The following COL27A1 variants were observed in gnomAD, a reference collection of about 807,000 sequenced individuals.
COL27A1 encodes the protein collagen type XXVII alpha 1 chain, also known as collagen alpha-1(XXVII) chain.
A neutral mutation model predicts 251.3 loss-of-function variants in COL27A1; 106 were observed. That is an observed-to-expected ratio of 0.42 (90% CI 0.36 to 0.50). The LOEUF (loss-of-function observed/expected upper bound fraction) is 0.50, where lower values mean the gene tolerates loss of function less well. COL27A1 is among the 20% of genes least tolerant of loss of function. The pLI, the probability that COL27A1 is intolerant of heterozygous loss-of-function variation, is 0.00. For missense variants in COL27A1, 2,325 were observed against 2,522.8 expected, an observed-to-expected ratio of 0.92 and a Z score of 1.68; for synonymous variants, 1,000 against 986.3, an observed-to-expected ratio of 1.01 and a Z score of -0.26.
intron 27 of COL27A1, among the ~76,000 whole-genome samples, chr9:114,257,076 A>G (rs1417195943): frequency 1.3e-5 from 2 of 152,160 alleles, no homozygotes; most frequent in African/African-American, 2.4e-5. Flanking sequence ...GCCCCTCCAC[A>G]GCAGCTGTTG....
At chr9:114,239,139 T>C (rs1013320323) in intron 19 of COL27A1, among the ~76,000 whole-genome samples, 1 of 152,188 alleles carries the variant, frequency 6.6e-6, no homozygotes, top group African/African-American at 2.4e-5. Context: ...GCCTGCTTCT[T>C]TCCCTGAGAC....
chr9:114,301,886 A>T (rs1564588211), intron 55 of COL27A1, among the ~76,000 whole-genome samples, 169 bp downstream of exon 55: 1 of 152,126 alleles, frequency 6.6e-6, no homozygotes, highest in Non-Finnish European at 1.5e-5. Flanking sequence ...ACTTTTGCCT[A>T]CGTGGGGTAA....
At chr9:114,268,988 A>C in intron 34 of COL27A1, 1 of 437,720 alleles carries the variant, frequency 2.3e-6, no homozygotes, top group Non-Finnish European at 3.9e-6. Context: ...ACAGTTAGTT[A>C]TTAATAGGAT....
chr9:114,206,791 G>A (rs575913035), intron 10 of COL27A1, among the ~76,000 whole-genome samples: 4 of 152,270 alleles, frequency 2.6e-5, no homozygotes, highest in African/African-American at 7.2e-5. Flanking sequence ...AGCAGACCCC[G>A]AGTAGCGATC....
At chr9:114,262,027 C>T (rs1834376059) in intron 28 of COL27A1, among the ~76,000 whole-genome samples, 1 of 152,222 alleles carries the variant, frequency 6.6e-6, no homozygotes, top group Admixed American at 6.5e-5. Flanking sequence ...AGCCTCCACT[C>T]CCCTCCCAGA....
In COL27A1 at chr9:114,235,613, T is replaced by A. The variant is rs1832329625; in HGVS notation, c.2580T>A (p.Val860=). 2 of 1,613,916 alleles carry A rather than the reference T, an allele frequency of 1.2e-6. No individual in the cohort carries two copies. The highest frequency in any genetic ancestry group is 2.2e-5 in the South Asian group (2 of 91,068). Residue 860 remains valine (V), a synonymous_variant, in exon 17 of 61, where the codon GTT becomes GTA. Coordinates refer to ENST00000356083, the MANE Select transcript of COL27A1 (RefSeq NM_032888.4). Reference sequence around the variant, plus strand: ...TGTGTACTTAGGGTGAACAAGGGGTTCCAGGTGTGTCAGGAGATCCCGGAT... The same window carrying A: ...TGTGTACTTAGGGTGAACAAGGGGTACCAGGTGTGTCAGGAGATCCCGGAT... The part of the protein sequence containing the change: ...GLKGDKGEQG[V]PGVSGDPGFQ...
chr9:114,227,740 C>T (rs921696822), intron 14 of COL27A1, among the ~76,000 whole-genome samples: 1 of 151,828 alleles, frequency 6.6e-6, no homozygotes, highest in Non-Finnish European at 1.5e-5. Flanking sequence ...GCGTGTGGTG[C>T]GGTGTCTGGG....
chr9:114,300,571 G>T, intron 50 of COL27A1, 54 bp from the exon 51 acceptor site: 2 of 1,427,578 alleles, frequency 1.4e-6, no homozygotes, highest in Non-Finnish European at 1.9e-6. Context: ...AGCTGTGGGG[G>T]CCCTTTACCC....
At chr9:114,219,876 G>A (rs762882535) in intron 13 of COL27A1, 32 bp downstream of exon 13, 6 of 1,522,826 alleles carry the variant, frequency 3.9e-6, no homozygotes, top group African/African-American at 2.7e-5. Flanking sequence ...GAACAGGAGC[G>A]AGATTCTGAG....
chr9:114,290,247 C>T lies in COL27A1; in HGVS notation c.4284C>T (p.Pro1428=), dbSNP rs1479251787. Reference sequence around the variant, plus strand: ...AGGGCCTGCAGGGGCTGCCAGGGCCCCGGGGCGTGGTGGGGAGACAGGGCC... The same window carrying T: ...AGGGCCTGCAGGGGCTGCCAGGGCCTCGGGGCGTGGTGGGGAGACAGGGCC... ...GVQGLQGLPG[P]RGVVGRQGLE... The change falls in exon 47 of 61, where the codon CCC becomes CCT. Residue 1428 remains proline (P), a synonymous_variant. Coordinates refer to ENST00000356083, the MANE Select transcript of COL27A1 (RefSeq NM_032888.4). This position sits in a 1 kb window ranked among gnomAD's most constrained non-coding sequence, Gnocchi z 4.6. 1 of 1,572,744 alleles carries T rather than the reference C, an allele frequency of 6.4e-7. No individual in the cohort carries two copies. The highest frequency in any genetic ancestry group is 2.3e-5 in the East Asian group (1 of 43,426).
At chr9:114,217,846 G>A (rs1258175049) in intron 12 of COL27A1, 3 of 470,030 alleles carry the variant, frequency 6.4e-6, no homozygotes, top group Non-Finnish European at 1.3e-5. Flanking sequence ...GGACGCCATG[G>A]CTCACACCTG....
chr9:114,235,694 G>A (rs775159952), intron 17 of COL27A1, 42 bp downstream of exon 17: 1 of 1,495,976 alleles, frequency 6.7e-7, no homozygotes, highest in Admixed American at 1.7e-5. Context: ...CCCTGCCCCT[G>A]CCCTGCTGTT....
chr9:114,164,250 T>C (rs555705395), intron 2 of COL27A1, among the ~76,000 whole-genome samples: 1 of 152,362 alleles, frequency 6.6e-6, no homozygotes, highest in East Asian at 1.9e-4. Context: ...AAGTATTTGG[T>C]ATCTAGTAAG....
At chr9:114,269,076 G>T (rs775254146) in intron 34 of COL27A1, 165 bp from the exon 35 acceptor site, 4 of 557,864 alleles carry the variant, frequency 7.2e-6, no homozygotes, top group Non-Finnish European at 1.3e-5. Context: ...TGGAACAGGA[G>T]CTCTGGTTGG....
chr9:114,278,588 T>A, intron 37 of COL27A1, among the ~76,000 whole-genome samples: 1 of 119,674 alleles, frequency 8.4e-6, no homozygotes, highest in Non-Finnish European at 1.7e-5. Flanking sequence ...ATGGCAGTGG[T>A]GGGGGTGGGA....
At chr9:114,302,724 AAC>A (rs1296095294) in intron 56 of COL27A1, among the ~76,000 whole-genome samples, 163 of 95,166 alleles carry the variant, frequency 1.7e-3, no homozygotes, top group African/African-American at 6.1e-3. Context: ...AAACAAAAAA[AAC>A]AAAAAAAAAA....
At chr9:114,180,888 G>C (rs78454717) in intron 4 of COL27A1, among the ~76,000 whole-genome samples, 2,181 of 152,336 alleles carry the variant, frequency 0.014, 63 homozygotes, top group African/African-American at 0.05. Context: ...AGATGGGGGA[G>C]CTGAGTGCTC....
chr9:114,285,130 GC>G (rs1827372003), intron 41 of COL27A1, among the ~76,000 whole-genome samples: 1 of 152,246 alleles, frequency 6.6e-6, no homozygotes, highest in Non-Finnish European at 1.5e-5. Flanking sequence ...TTGAAGTCTT[GC>G]CCATGAATAA....
chr9:114,183,967 G>A (rs897729104), intron 5 of COL27A1, among the ~76,000 whole-genome samples: 7 of 152,218 alleles, frequency 4.6e-5, no homozygotes, highest in African/African-American at 1.7e-4. Context: ...CATTGGAAGT[G>A]AGAAACTCAG....
Sources: gnomAD v4.1 joint callset for allele counts (sites outside exome capture counted in the v4.1 genomes callset) on GRCh38, gnomAD v4.1.1 for gene constraint, Gnocchi (gnomAD v3.1) non-coding constraint, MANE v1.5 for transcripts, NCBI Gene and HGNC (gene_info 2026-07-23, HGNC 2026-07-21) for gene names.